The following ARHGAP44 variants were observed in gnomAD, a reference collection of about 807,000 sequenced individuals.
The protein encoded by ARHGAP44 is rho GTPase-activating protein 44.
ARHGAP44 carries 43 observed loss-of-function variants against 106.8 expected under a neutral mutation model. The ratio of observed to expected loss-of-function variants is 0.40; its 90% confidence interval spans 0.32 to 0.52. ARHGAP44 has a LOEUF of 0.52. ARHGAP44 is among the 20% of genes least tolerant of loss of function. The pLI is 0.48. For missense variants in ARHGAP44, 866 were observed against 1,050.5 expected (o/e 0.82, Z 2.43); for synonymous variants, 439 against 410.3 (o/e 1.07, Z -0.85).
chr17:12,959,259 T>G (rs2039202175), intron 16 of ARHGAP44, among the ~76,000 whole-genome samples: 1 of 152,220 alleles, frequency 6.6e-6, no homozygotes, highest in Non-Finnish European at 1.5e-5. Flanking sequence ...GGCTTTACTT[T>G]GATTATGAAT....
intron 1 of ARHGAP44, 114 bp downstream of exon 1, chr17:12,790,005 C>A (rs529438691): frequency 5.0e-6 from 5 of 1,009,226 alleles, no homozygotes; most frequent in South Asian, 3.4e-5. Flanking sequence ...AGTCCTTTCC[C>A]CTGCACCAGC....
rs2038784048 is a variant in ARHGAP44 at position 12,944,170 on chromosome 17, C to T, written c.835C>T (p.Leu279=). 4 of 1,611,450 alleles carry T rather than the reference C, an allele frequency of 2.5e-6. No individual in the cohort carries two copies. Among genetic ancestry groups the T allele is most frequent in the South Asian group, 2.2e-5 (2 of 91,038 alleles). ...CCCCATCGAGGCGTGTGTGACCATGCTGCTTGAGTGTGGGATGCAGGAGGA... is the reference window on the plus strand; with the variant it reads ...CCCCATCGAGGCGTGTGTGACCATGTTGCTTGAGTGTGGGATGCAGGAGGA... ...AFPIEACVTM[L]LECGMQEEGL... Residue 279 remains leucine, a synonymous_variant, in exon 10 of 21, where the codon CTG becomes TTG. Transcript: ENST00000379672.
intron 16 of ARHGAP44, among the ~76,000 whole-genome samples, chr17:12,960,861 GC>G (rs1256443941): frequency 6.6e-6 from 1 of 152,132 alleles, no homozygotes; most frequent in African/African-American, 2.4e-5. Context: ...ACTGTGCCTG[GC>G]CTCAGAAAAA....
intron 1 of ARHGAP44, among the ~76,000 whole-genome samples, chr17:12,856,065 G>A (rs770198208): frequency 8.5e-5 from 13 of 152,166 alleles, no homozygotes; most frequent in African/African-American, 2.7e-4. Flanking sequence ...CGGTATCCCC[G>A]CAATGGGAGA....
At chr17:12,877,948 T>A (rs1392017874) in intron 1 of ARHGAP44, among the ~76,000 whole-genome samples, 1 of 152,222 alleles carries the variant, frequency 6.6e-6, no homozygotes, top group East Asian at 1.9e-4. Flanking sequence ...AGGTAGCATG[T>A]TAAGGAAGAT....
chr17:12,969,582 G>A (rs965664534), intron 16 of ARHGAP44, among the ~76,000 whole-genome samples: 4 of 152,214 alleles, frequency 2.6e-5, no homozygotes, highest in African/African-American at 7.2e-5. Context: ...GTCCTGAGCT[G>A]GAGAGGCTGT....
chr17:12,919,850 C>T lies in ARHGAP44; in HGVS notation c.464+19C>T, dbSNP rs747163494. 6.2e-7 allele frequency: 1 copy of T among 1,602,554 alleles called. No homozygotes were observed. The highest frequency in any genetic ancestry group is 1.7e-5 in the Admixed American group (1 of 58,420). On this transcript the variant is annotated intron_variant, in intron 6 of 20. Transcript: ENST00000379672. ...GAACCAGGTAGAATCTCTTTACTTTCTTTTTTGCTTCTTTGAAGGGACAGT... is the reference window on the plus strand; with the variant it reads ...GAACCAGGTAGAATCTCTTTACTTTTTTTTTTGCTTCTTTGAAGGGACAGT...
intron 3 of ARHGAP44, among the ~76,000 whole-genome samples, chr17:12,900,532 C>G (rs891445020): frequency 1.3e-5 from 2 of 152,176 alleles, no homozygotes; most frequent in Non-Finnish European, 2.9e-5. Context: ...TTGCATTTCT[C>G]ATTAGGAAGT....
intron 16 of ARHGAP44, among the ~76,000 whole-genome samples, chr17:12,970,789 A>G (rs1406115189): frequency 1.3e-5 from 2 of 152,234 alleles, no homozygotes; most frequent in Non-Finnish European, 2.9e-5. Context: ...AACTGCTGAT[A>G]TAACCTTCTA....
chr17:12,975,523 G>T (rs1188177977), intron 18 of ARHGAP44, among the ~76,000 whole-genome samples: 2 of 152,058 alleles, frequency 1.3e-5, no homozygotes, highest in African/African-American at 4.8e-5. Context: ...AGATGGCCGG[G>T]CACGGTGGCT....
At chr17:12,903,140 A>AGT (rs546197652) in intron 3 of ARHGAP44, among the ~76,000 whole-genome samples, 4,055 of 57,480 alleles carry the variant, frequency 0.071, 219 homozygotes, top group Middle Eastern at 0.15. Flanking sequence ...AGAGAGAGAG[A>AGT]GTGTGTGTGT....
chr17:12,791,822 G>A (rs1263398410), intron 1 of ARHGAP44, among the ~76,000 whole-genome samples: 1 of 152,158 alleles, frequency 6.6e-6, no homozygotes, highest in Non-Finnish European at 1.5e-5. Flanking sequence ...GCCTATGGAT[G>A]AATTCTGCCT....
intron 1 of ARHGAP44, among the ~76,000 whole-genome samples, chr17:12,804,947 A>T (rs1289321450): frequency 1.3e-5 from 2 of 152,202 alleles, no homozygotes; most frequent in Non-Finnish European, 1.5e-5. Context: ...ATCATTCTTG[A>T]ATGGGAATCT....
At chr17:12,827,712 T>C (rs1465642219) in intron 1 of ARHGAP44, among the ~76,000 whole-genome samples, 1 of 152,194 alleles carries the variant, frequency 6.6e-6, no homozygotes, top group Non-Finnish European at 1.5e-5. Flanking sequence ...TATACAGTTA[T>C]GCTATATTTT....
At chr17:12,947,566 CT>C (rs935286515) in intron 10 of ARHGAP44, among the ~76,000 whole-genome samples, 4 of 152,220 alleles carry the variant, frequency 2.6e-5, no homozygotes, top group African/African-American at 9.6e-5. Context: ...TCCATGCACA[CT>C]TTCCTCTAAC....
At chr17:12,860,363 G>A (rs2036034638) in intron 1 of ARHGAP44, among the ~76,000 whole-genome samples, 2 of 152,132 alleles carry the variant, frequency 1.3e-5, no homozygotes, top group African/African-American at 4.8e-5. Context: ...TCAGATAACT[G>A]TCTGGAAAGT....
chr17:12,941,921 A>G (rs902183895), intron 8 of ARHGAP44, among the ~76,000 whole-genome samples: 1 of 152,228 alleles, frequency 6.6e-6, no homozygotes, highest in Non-Finnish European at 1.5e-5. Context: ...AAAGCTCTTG[A>G]TTTATAATCG....
chr17:12,941,121 A>G lies in ARHGAP44; in HGVS notation c.648A>G (p.Gln216=), dbSNP rs752061179. The change falls in exon 8 of 21, where the codon CAA becomes CAG. Residue 216 remains glutamine, a synonymous_variant. Transcript: ENST00000379672. ...AAATTGACTATGCAAACTACTTTCA[A>G]ACGGTAAGTGCCCAGAAAGGTGAGA... ...AKEIDYANYF[Q]TLIEVQAEYH... The G allele has an allele frequency of 8.7e-6, 14 of 1,613,930 alleles. 1 individual carries two copies. In the South Asian group the frequency reaches 1.5e-4, roughly 18 times the overall value.
At chr17:12,853,666 C>A (rs557045383) in intron 1 of ARHGAP44, among the ~76,000 whole-genome samples, 2 of 152,306 alleles carry the variant, frequency 1.3e-5, no homozygotes, top group South Asian at 4.1e-4. Flanking sequence ...TCTCAACTAC[C>A]CAAATCCACT....
Sources: gnomAD v4.1 joint callset for allele counts (sites outside exome capture counted in the v4.1 genomes callset) on GRCh38, gnomAD v4.1.1 for gene constraint, MANE v1.5 for transcripts, NCBI Gene and HGNC (gene_info 2026-07-23, HGNC 2026-07-21) for gene names.